The following CDC42BPA variants were observed in gnomAD, a reference collection of about 807,000 sequenced individuals.
CDC42BPA encodes serine/threonine-protein kinase MRCK alpha.
Under a neutral mutation model 223.5 loss-of-function variants are expected in CDC42BPA, and 80 were observed. The observed-to-expected ratio is 0.36, with a 90% CI of 0.30 to 0.43. CDC42BPA has a LOEUF of 0.43. CDC42BPA is among the 20% of genes least tolerant of loss of function. The probability of loss-of-function intolerance (pLI) is 1.00; values close to 1 mark genes in which losing one functional copy is unlikely to be tolerated. For synonymous variants in CDC42BPA, 694 were observed against 718.6 expected, an observed-to-expected ratio of 0.97 and a Z score of 0.55; for missense variants, 1,743 against 2,099.9, an observed-to-expected ratio of 0.83 and a Z score of 3.32.
At chr1:227,200,435 AAC>A (rs374864440) in intron 3 of CDC42BPA, among the ~76,000 whole-genome samples, 24,130 of 87,468 alleles carry the variant, frequency 0.28, 2,215 homozygotes, top group Middle Eastern at 0.3. Context: ...TGCCTTAAAA[AAC>A]AAACAAACAA....
At chr1:227,157,247 A>G (rs1662988729) in intron 6 of CDC42BPA, among the ~76,000 whole-genome samples, 1 of 152,196 alleles carries the variant, frequency 6.6e-6, no homozygotes, top group African/African-American at 2.4e-5. Flanking sequence ...CAAATGTCCA[A>G]ACAGTATCAT....
At position 227,077,351 on chromosome 1, in the gene CDC42BPA, T is replaced by C. The variant is rs16847001; in HGVS notation, c.2481-2987A>G. Among the ~76,000 whole-genome samples, 414 of 152,328 alleles carry C rather than the reference T, an allele frequency of 2.7e-3. 12 individuals carry two copies. The East Asian group carries it at 0.052, about 19-fold the overall frequency. On this transcript the variant is annotated intron_variant, in intron 17 of 36. Coordinates refer to ENST00000366766, the MANE Select transcript of CDC42BPA (RefSeq NM_001394014.1). ...CAGCCTAATGACCAGAACACTCTTATGTTTTAATCAATAGAAGCTATTACT... is the reference window on the plus strand; with the variant it reads ...CAGCCTAATGACCAGAACACTCTTACGTTTTAATCAATAGAAGCTATTACT...
intron 1 of CDC42BPA, among the ~76,000 whole-genome samples, chr1:227,310,293 C>T (rs2148813840): frequency 6.6e-6 from 1 of 152,288 alleles, no homozygotes; most frequent in East Asian, 1.9e-4. Context: ...AACCTTTCCC[C>T]TTGCTCAAGC....
intron 2 of CDC42BPA, among the ~76,000 whole-genome samples, chr1:227,217,730 T>C (rs971094181): frequency 9.2e-5 from 14 of 152,174 alleles, no homozygotes; most frequent in African/African-American, 3.4e-4. Context: ...CCTGGTTCAC[T>C]ATGCTCCAGC....
At chr1:227,270,722 C>G (rs996046945) in intron 1 of CDC42BPA, among the ~76,000 whole-genome samples, 5 of 152,122 alleles carry the variant, frequency 3.3e-5, no homozygotes, top group Non-Finnish European at 7.4e-5. Flanking sequence ...AAACATTAAG[C>G]AATAATTCCC....
At chr1:227,302,840 T>C (rs1691881929) in intron 1 of CDC42BPA, among the ~76,000 whole-genome samples, 1 of 152,170 alleles carries the variant, frequency 6.6e-6, no homozygotes. Context: ...TCCACTTTTC[T>C]ACTTTCCAAT....
At chr1:227,145,806 T>C (rs1660605611) in intron 7 of CDC42BPA, 69 bp from the exon 8 acceptor site, 2 of 1,234,684 alleles carry the variant, frequency 1.6e-6, no homozygotes, top group South Asian at 1.6e-5. Context: ...GTTGACTTAT[T>C]TATTTTCTTA....
chr1:227,078,328 A>C (rs1679927593), intron 17 of CDC42BPA, among the ~76,000 whole-genome samples: 1 of 152,154 alleles, frequency 6.6e-6, no homozygotes, highest in Admixed American at 6.5e-5. Context: ...AAGTCTCATA[A>C]GTTATCTCCA....
chr1:227,193,205 G>C (rs928495879), intron 5 of CDC42BPA, among the ~76,000 whole-genome samples: 1 of 149,038 alleles, frequency 6.7e-6, no homozygotes, highest in Non-Finnish European at 1.5e-5. Flanking sequence ...GAGTAGCTGG[G>C]ACTACAGGTG....
chr1:227,305,074 A>C (rs1452039009), intron 1 of CDC42BPA, among the ~76,000 whole-genome samples: 1 of 152,216 alleles, frequency 6.6e-6, no homozygotes. Flanking sequence ...AATATACACC[A>C]ATGTTAATTT....
In CDC42BPA at chr1:226,993,475, T is replaced by C. The variant is rs1327316132; in HGVS notation, c.*793A>G. 5.2e-5 allele frequency: 8 copies of C among 152,438 alleles called. No individual in the cohort carries two copies. Among genetic ancestry groups the C allele is most frequent in the Admixed American group, 5.2e-4 (8 of 15,272 alleles). 9.4% of individuals were successfully genotyped at this position (152,438 alleles called of 1,614,324 possible). On this transcript the variant is annotated 3_prime_UTR_variant, in exon 37 of 37. Transcript: ENST00000366766. The stretch of plus-strand genomic sequence containing the variant: ...AACCAGCAAAACCTGGCTCTGCAAG[T>C]GTTTTCTACAGCTCCCCAGGTGACT...
intron 32 of CDC42BPA, among the ~76,000 whole-genome samples, chr1:227,022,883 T>A (rs139271830): frequency 5.8e-4 from 89 of 152,360 alleles, no homozygotes; most frequent in African/African-American, 2.0e-3. Flanking sequence ...GCAGAAGATA[T>A]GTTCCTGAAG....
rs532813542 is a variant in CDC42BPA at position 227,101,380 on chromosome 1, TACTA to T, written c.2002-145_2002-142del. The T allele has an allele frequency of 1.1e-3, 565 of 494,170 alleles. 1 individual carries two copies. Among genetic ancestry groups the T allele is most frequent in the Non-Finnish European group, 1.1e-3 (330 of 294,520 alleles). The allele number at this position is 494,170 out of a possible 1,614,324, so 30.6% of individuals were successfully genotyped here. A position where few individuals can be genotyped will look rare whatever the true frequency, so the allele number is the denominator to read the frequency against. On this transcript the variant is annotated intron_variant, in intron 14 of 36. Transcript: ENST00000366766. ...CAAAAATAAAATTCTATGTTAAATC[TACTA>T]ACTTTTTGCCTGCCATATATTGCAA...
At chr1:227,072,630 C>A (rs962294595) in intron 19 of CDC42BPA, among the ~76,000 whole-genome samples, 7 of 151,876 alleles carry the variant, frequency 4.6e-5, no homozygotes, top group Admixed American at 3.3e-4. Flanking sequence ...GGACCCTGAA[C>A]TAAATTATTA....
At chr1:226,999,770 T>C (rs1379271673) in intron 35 of CDC42BPA, among the ~76,000 whole-genome samples, 1 of 151,922 alleles carries the variant, frequency 6.6e-6, no homozygotes, top group Non-Finnish European at 1.5e-5. Context: ...TATGCAACCA[T>C]AAAAAAGGAT....
chr1:226,990,722 G>C lies in CDC42BPA; in HGVS notation c.*3546C>G, dbSNP rs888755648. The C allele has an allele frequency of 3.9e-5, 6 of 152,670 alleles. No homozygotes were observed. Among genetic ancestry groups the C allele is most frequent in the Admixed American group, 1.3e-4 (2 of 15,280 alleles). The allele number at this position is 152,670 out of a possible 1,614,324, so 9.5% of individuals were successfully genotyped here. A position where few individuals can be genotyped will look rare whatever the true frequency, so the allele number is the denominator to read the frequency against. Reference sequence around the variant, plus strand: ...CTGGCTTTTCCTTAATGATACCTGAGATGCCACATAAATGTAACCAGTCTT... The same window carrying C: ...CTGGCTTTTCCTTAATGATACCTGACATGCCACATAAATGTAACCAGTCTT... On this transcript the variant is annotated 3_prime_UTR_variant, in exon 37 of 37. Coordinates refer to ENST00000366766, the MANE Select transcript of CDC42BPA (RefSeq NM_001394014.1).
chr1:227,304,921 A>G (rs966198628), intron 1 of CDC42BPA, among the ~76,000 whole-genome samples: 5 of 152,228 alleles, frequency 3.3e-5, no homozygotes, highest in Admixed American at 1.3e-4. Flanking sequence ...ATTTTACTAT[A>G]GGTAAATTTC....
intron 11 of CDC42BPA, among the ~76,000 whole-genome samples, chr1:227,127,607 T>C (rs1329019965): frequency 6.6e-6 from 1 of 151,482 alleles, no homozygotes; most frequent in Non-Finnish European, 1.5e-5. Context: ...AGACATTCAG[T>C]GGCACTCTTA....
chr1:227,066,764 AG>A (rs1440610499), intron 21 of CDC42BPA, among the ~76,000 whole-genome samples: 1 of 152,204 alleles, frequency 6.6e-6, no homozygotes, highest in Non-Finnish European at 1.5e-5. Flanking sequence ...AAAAGTAATA[AG>A]GGCATTATTA....
Sources: gnomAD v4.1 joint callset for allele counts (sites outside exome capture counted in the v4.1 genomes callset) on GRCh38, gnomAD v4.1.1 for gene constraint, MANE v1.5 for transcripts, NCBI Gene and HGNC (gene_info 2026-07-23, HGNC 2026-07-21) for gene names.